The following MACROD2 variants were observed in gnomAD, a reference collection of about 807,000 sequenced individuals.
The protein encoded by MACROD2 is ADP-ribose glycohydrolase MACROD2.
In MACROD2, 36 loss-of-function variants were observed where a neutral mutation model predicts 70.4. The observed-to-expected ratio is 0.51, with a 90% CI of 0.39 to 0.68. The LOEUF (loss-of-function observed/expected upper bound fraction) is 0.68, where lower values mean the gene tolerates loss of function less well. MACROD2 is among the 30% of genes least tolerant of loss of function. The probability of loss-of-function intolerance (pLI) is 0.00; values close to 1 mark genes in which losing one functional copy is unlikely to be tolerated. For missense variants in MACROD2, 496 were observed against 538.4 expected (o/e 0.92, Z 0.78); for synonymous variants, 172 against 178.8 (o/e 0.96, Z 0.30).
At chr20:14,490,030 G>A (rs947970816) in intron 3 of MACROD2, among the ~76,000 whole-genome samples, 1 of 151,880 alleles carries the variant, frequency 6.6e-6, no homozygotes, top group African/African-American at 2.4e-5. Flanking sequence ...TTTTTCATTT[G>A]TATTTTGAGA....
intron 3 of MACROD2, among the ~76,000 whole-genome samples, chr20:14,155,425 G>A (rs1045427668): frequency 6.6e-6 from 1 of 151,998 alleles, no homozygotes; most frequent in African/African-American, 2.4e-5. Flanking sequence ...CTTCCCATCG[G>A]TATGCTATTT....
intron 4 of MACROD2, among the ~76,000 whole-genome samples, chr20:14,498,167 G>A (rs1438516804): frequency 2.6e-5 from 4 of 151,698 alleles, no homozygotes. Flanking sequence ...TAAAATTCAT[G>A]CTTGAAAAGG....
intron 6 of MACROD2, among the ~76,000 whole-genome samples, chr20:15,321,692 A>T (rs1239694398): frequency 6.9e-6 from 1 of 144,680 alleles, no homozygotes. Flanking sequence ...ATTTTTGCAA[A>T]GATAGTGAGA....
intron 6 of MACROD2, among the ~76,000 whole-genome samples, chr20:15,319,319 A>G (rs151045036): frequency 8.7e-4 from 133 of 152,338 alleles, no homozygotes; most frequent in African/African-American, 3.0e-3. Flanking sequence ...CTATAAATAA[A>G]TGGAAGGCAT....
At chr20:15,694,720 A>T (rs1177473625) in intron 8 of MACROD2, among the ~76,000 whole-genome samples, 1 of 152,052 alleles carries the variant, frequency 6.6e-6, no homozygotes, top group Admixed American at 6.6e-5. Flanking sequence ...TCTTTAGTAT[A>T]ATTAGGTCCC....
chr20:14,231,393 G>GT (rs1425297988), intron 3 of MACROD2, among the ~76,000 whole-genome samples: 1 of 151,960 alleles, frequency 6.6e-6, no homozygotes, highest in Non-Finnish European at 1.5e-5. Context: ...GCGGTGTTTG[G>GT]TTTTTTTGTC....
chr20:15,540,207 A>G (rs1460036315), intron 8 of MACROD2, among the ~76,000 whole-genome samples: 2 of 152,208 alleles, frequency 1.3e-5, no homozygotes, highest in African/African-American at 2.4e-5. Context: ...GTGGGGAAGT[A>G]GGATGGTGGG....
intron 8 of MACROD2, among the ~76,000 whole-genome samples, chr20:15,586,182 C>T (rs1027970122): frequency 6.6e-5 from 10 of 152,308 alleles, no homozygotes; most frequent in Non-Finnish European, 1.2e-4. Flanking sequence ...CATTAACACA[C>T]GTTGAGATCC....
intron 15 of MACROD2, among the ~76,000 whole-genome samples, chr20:16,016,740 TG>T (rs2066934772): frequency 6.6e-6 from 1 of 152,194 alleles, no homozygotes; most frequent in Non-Finnish European, 1.5e-5. Flanking sequence ...TTCACCATGT[TG>T]GCCATGCTGG....
At chr20:14,665,368 G>A (rs2070726173) in intron 4 of MACROD2, among the ~76,000 whole-genome samples, 1 of 151,862 alleles carries the variant, frequency 6.6e-6, no homozygotes, top group Non-Finnish European at 1.5e-5. Flanking sequence ...GTGAAGAAGG[G>A]TGAAGTAGAA....
At chr20:15,135,305 A>G (rs943520251) in intron 5 of MACROD2, among the ~76,000 whole-genome samples, 3 of 151,806 alleles carry the variant, frequency 2.0e-5, no homozygotes, top group African/African-American at 7.2e-5. Context: ...CATTGATGCA[A>G]AAATCCTCAA....
chr20:14,037,651 G>T (rs1475080378), intron 2 of MACROD2, among the ~76,000 whole-genome samples: 1 of 152,094 alleles, frequency 6.6e-6, no homozygotes, highest in Non-Finnish European at 1.5e-5. Context: ...TGGTGGGGGG[G>T]GTAGTTAGTA....
intron 6 of MACROD2, among the ~76,000 whole-genome samples, chr20:15,370,778 A>AT (rs1442651683): frequency 6.6e-6 from 1 of 152,012 alleles, no homozygotes; most frequent in African/African-American, 2.4e-5. Context: ...GACCACCTAG[A>AT]TTTTTTTAAC....
chr20:16,021,725 C>G (rs542532669), intron 15 of MACROD2, among the ~76,000 whole-genome samples: 34 of 152,132 alleles, frequency 2.2e-4, no homozygotes, highest in South Asian at 6.2e-4. Flanking sequence ...GAACCTGAAT[C>G]GCAATGAGGT....
intron 8 of MACROD2, among the ~76,000 whole-genome samples, chr20:15,586,570 C>G (rs1488875298): frequency 1.3e-5 from 2 of 152,170 alleles, no homozygotes; most frequent in Non-Finnish European, 2.9e-5. Context: ...CAGCCTCATG[C>G]TGACCAGGAA....
At chr20:14,575,314 C>G (rs1668130761) in intron 4 of MACROD2, among the ~76,000 whole-genome samples, 1 of 152,070 alleles carries the variant, frequency 6.6e-6, no homozygotes, top group Admixed American at 6.6e-5. Flanking sequence ...TTGCAAAACA[C>G]TTTAATGTCT....
At chr20:14,154,311 A>G (rs2055063238) in intron 3 of MACROD2, among the ~76,000 whole-genome samples, 1 of 152,152 alleles carries the variant, frequency 6.6e-6, no homozygotes, top group Non-Finnish European at 1.5e-5. Context: ...ACCAGCAACA[A>G]AGGGAAATTC....
chr20:14,753,148 C>A (rs2071896579), intron 5 of MACROD2, among the ~76,000 whole-genome samples: 1 of 152,120 alleles, frequency 6.6e-6, no homozygotes, highest in South Asian at 2.1e-4. Flanking sequence ...TGACAGAAAA[C>A]CCCTGCCTCT....
intron 3 of MACROD2, among the ~76,000 whole-genome samples, chr20:14,474,879 C>T (rs1190549388): frequency 6.6e-6 from 1 of 152,000 alleles, no homozygotes; most frequent in Non-Finnish European, 1.5e-5. Flanking sequence ...AAGTGAGTTT[C>T]TTGTAGGCAG....
Sources: gnomAD v4.1 joint callset for allele counts (sites outside exome capture counted in the v4.1 genomes callset) on GRCh38, gnomAD v4.1.1 for gene constraint, MANE v1.5 for transcripts, NCBI Gene and HGNC (gene_info 2026-07-23, HGNC 2026-07-21) for gene names.